The following TRIM9 variants were observed in gnomAD, a reference collection of about 807,000 sequenced individuals.
The protein encoded by TRIM9 is E3 ubiquitin-protein ligase TRIM9.
In TRIM9, 26 loss-of-function variants were observed where a neutral mutation model predicts 78.3. The ratio of observed to expected loss-of-function variants is 0.33; its 90% CI spans 0.24 to 0.46. The LOEUF (loss-of-function observed/expected upper bound fraction) is 0.46, where lower values mean the gene tolerates loss of function less well. Ranked by LOEUF, TRIM9 falls within the 20% of genes least tolerant of loss-of-function variation. The pLI is 1.00. For missense variants in TRIM9, 787 were observed against 1,036.4 expected (o/e 0.76, Z 3.30); for synonymous variants, 398 against 416.5 (o/e 0.96, Z 0.54).
intron 1 of TRIM9, among the ~76,000 whole-genome samples, chr14:51,074,792 G>A (rs2062608280): frequency 6.6e-6 from 1 of 152,180 alleles, no homozygotes; most frequent in East Asian, 1.9e-4. Flanking sequence ...TCCACCCTGT[G>A]CTTTTCTACT....
chr14:50,989,283 T>C (rs2053168829), intron 7 of TRIM9, among the ~76,000 whole-genome samples: 1 of 152,210 alleles, frequency 6.6e-6, no homozygotes, highest in African/African-American at 2.4e-5. Context: ...GAATCACACT[T>C]AACACACATT....
intron 9 of TRIM9, 102 bp from the exon 10 acceptor site, chr14:50,983,067 G>T: frequency 3.5e-6 from 4 of 1,158,320 alleles, no homozygotes; most frequent in Non-Finnish European, 1.2e-6. Flanking sequence ...ACCCCAAAAG[G>T]ACTCAATTTA....
chr14:51,029,484 T>C (rs6572720), intron 1 of TRIM9, among the ~76,000 whole-genome samples: 22,505 of 152,106 alleles, frequency 0.15, 2,363 homozygotes, highest in African/African-American at 0.3. Context: ...AAAGTGATCA[T>C]TGATGCAATG....
chr14:51,036,441 T>C (rs2059157580), intron 1 of TRIM9, among the ~76,000 whole-genome samples: 1 of 152,146 alleles, frequency 6.6e-6, no homozygotes, highest in East Asian at 1.9e-4. Context: ...AGTTTCTGTC[T>C]CTAGTGATAA....
At chr14:50,995,445 G>A (rs945827867) in intron 7 of TRIM9, among the ~76,000 whole-genome samples, 20 of 152,090 alleles carry the variant, frequency 1.3e-4, no homozygotes, top group African/African-American at 4.6e-4. Context: ...CCAATAAATA[G>A]ACAGATAAAT....
intron 1 of TRIM9, among the ~76,000 whole-genome samples, chr14:51,053,953 T>C (rs1014871038): frequency 2.0e-5 from 3 of 152,336 alleles, no homozygotes; most frequent in South Asian, 4.1e-4. Context: ...TAATAAAGCA[T>C]GTTATCAGTT....
intron 1 of TRIM9, among the ~76,000 whole-genome samples, chr14:51,085,818 T>C (rs2063699841): frequency 6.6e-6 from 1 of 152,218 alleles, no homozygotes; most frequent in Admixed American, 6.5e-5. Context: ...ATGCATTATT[T>C]TGTTAGAAGA....
chr14:51,021,875 C>T (rs2057790907), intron 3 of TRIM9, among the ~76,000 whole-genome samples: 2 of 152,226 alleles, frequency 1.3e-5, no homozygotes, highest in African/African-American at 4.8e-5. Flanking sequence ...CAGTTGATTC[C>T]ACCATGTCAT....
At chr14:51,093,996 T>G in intron 1 of TRIM9, 122 bp downstream of exon 1, 1 of 965,908 alleles carries the variant, frequency 1.0e-6, no homozygotes, top group Non-Finnish European at 1.6e-6. Context: ...GAGGTAAACA[T>G]CGAAGGCACC....
chr14:51,057,484 T>C (rs2060983928), intron 1 of TRIM9, among the ~76,000 whole-genome samples: 1 of 152,238 alleles, frequency 6.6e-6, no homozygotes, highest in Non-Finnish European at 1.5e-5. Flanking sequence ...AACTTGAATT[T>C]CCTATCTTTT....
At chr14:50,982,864 T>C in intron 10 of TRIM9, 78 bp downstream of exon 10, 4 of 1,353,946 alleles carry the variant, frequency 3.0e-6, no homozygotes, top group Non-Finnish European at 3.1e-6. Flanking sequence ...ATGTAATTGC[T>C]GATTTATTAA....
At chr14:50,989,029 G>A (rs537783289) in intron 7 of TRIM9, among the ~76,000 whole-genome samples, 2 of 152,298 alleles carry the variant, frequency 1.3e-5, no homozygotes, top group South Asian at 4.1e-4. Flanking sequence ...CTCTCCAATT[G>A]TAGCGTTACT....
At position 51,000,740 on chromosome 14, in the gene TRIM9, C is replaced by G. The variant is rs200001803; in HGVS notation, c.1407G>C (p.Thr469=). 1 of 1,614,124 alleles carries G rather than the reference C, an allele frequency of 6.2e-7. No homozygotes were observed. Among genetic ancestry groups the G allele is most frequent in the Non-Finnish European group, 8.5e-7 (1 of 1,180,002 alleles). The change falls in exon 6 of 13, where the codon ACG becomes ACC. Residue 469 remains threonine (T), a synonymous_variant. Transcript: ENST00000684578. ...TLSWKQPPLS[T]VPADGYILEL... is the part of the protein sequence containing the mutation. ...CCAGAATGTATCCATCGGCGGGCAC[C>G]GTGGACAGAGGTGGCTGTTTCCAGG...
intron 1 of TRIM9, among the ~76,000 whole-genome samples, chr14:51,064,065 T>C (rs2061554554): frequency 1.3e-5 from 2 of 152,118 alleles, no homozygotes; most frequent in African/African-American, 4.8e-5. Context: ...ATTTAATATA[T>C]ATGATAACAG....
chr14:51,033,327 G>A (rs1162010193), intron 1 of TRIM9, among the ~76,000 whole-genome samples: 1 of 152,204 alleles, frequency 6.6e-6, no homozygotes, highest in African/African-American at 2.4e-5. Flanking sequence ...TCCTGACCTT[G>A]TGATCTACCT....
chr14:51,074,971 C>G (rs2062629486), intron 1 of TRIM9, among the ~76,000 whole-genome samples: 1 of 152,224 alleles, frequency 6.6e-6, no homozygotes, highest in Admixed American at 6.5e-5. Context: ...TTTAAAGTGT[C>G]TCTTCACAAA....
intron 1 of TRIM9, among the ~76,000 whole-genome samples, chr14:51,053,578 TTC>T (rs1933056983): frequency 1.8e-5 from 2 of 112,478 alleles, no homozygotes; most frequent in Admixed American, 9.1e-5. Flanking sequence ...CTTTTTAATT[TTC>T]TTTTTTTTTT....
intron 7 of TRIM9, among the ~76,000 whole-genome samples, chr14:50,989,339 TG>T (rs566052017): frequency 3.3e-4 from 51 of 152,312 alleles, no homozygotes; most frequent in Middle Eastern, 6.8e-3. Context: ...GTTATGCCCA[TG>T]GGATGCAGGA....
At chr14:51,081,472 T>C (rs529804891) in intron 1 of TRIM9, among the ~76,000 whole-genome samples, 1 of 152,326 alleles carries the variant, frequency 6.6e-6, no homozygotes, top group African/African-American at 2.4e-5. Context: ...AGTTAGCATG[T>C]GACTCAACAA....
Sources: gnomAD v4.1 joint callset for allele counts (sites outside exome capture counted in the v4.1 genomes callset) on GRCh38, gnomAD v4.1.1 for gene constraint, MANE v1.5 for transcripts, NCBI Gene and HGNC (gene_info 2026-07-23, HGNC 2026-07-21) for gene names.